Variants in FGD2 observed in about 807,000 individuals in gnomAD.
FGD2 encodes FYVE, RhoGEF and PH domain containing 2, also known as FYVE, RhoGEF and PH domain-containing protein 2.
In FGD2, 52 loss-of-function variants were observed where a neutral mutation model predicts 75.9. The ratio of observed to expected loss-of-function variants is 0.69; its 90% confidence interval spans 0.55 to 0.86. The LOEUF (loss-of-function observed/expected upper bound fraction) is 0.86. Among genes scored for constraint, FGD2 ranks in the 40% least tolerant of loss-of-function variants. The pLI is 0.00. For missense variants in FGD2, 790 were observed against 872.0 expected (o/e 0.91, Z 1.18); for synonymous variants, 347 against 348.6 (o/e 1.00, Z 0.05).
At chr6:37,007,422 C>G (rs533028944) in intron 1 of FGD2, among the ~76,000 whole-genome samples, 2 of 152,210 alleles carry the variant, frequency 1.3e-5, no homozygotes, top group African/African-American at 4.8e-5. Context: ...CCCACCACCC[C>G]CTTGGGTGTG....
rs1036660764 is a variant in FGD2, at chr6:37,019,324, T to A, written c.1123-1217T>A. On this transcript the variant is annotated intron_variant, in intron 9 of 15. Coordinates refer to ENST00000274963, the MANE Select transcript of FGD2 (RefSeq NM_173558.4). ...TACCTCTTTCCACATGACCGCCTCC[T>A]CATTGCCAAGGGCATCGAATCCAAA... is the stretch of plus-strand genomic sequence containing the variant. Among the ~76,000 whole-genome samples, 59 of 152,178 alleles carry A rather than the reference T, an allele frequency of 3.9e-4. 1 individual carries two copies. The highest frequency in any genetic ancestry group is 1.4e-3 in the African/African-American group (57 of 41,436).
intron 1 of FGD2, among the ~76,000 whole-genome samples, chr6:37,008,133 C>T (rs540273347): frequency 6.6e-6 from 1 of 152,276 alleles, no homozygotes; most frequent in East Asian, 1.9e-4. Context: ...TTTGTTTGGC[C>T]TTCCATTTCC....
chr6:37,013,669 CAGTG>C lies in FGD2; in HGVS notation c.592_595del (p.Glu198MetfsTer38). 1 of 1,614,088 alleles carries C rather than the reference CAGTG, an allele frequency of 6.2e-7. No individual in the cohort carries two copies. Among genetic ancestry groups the C allele is most frequent in the Non-Finnish European group, 8.5e-7 (1 of 1,179,980 alleles). ...AGCTGGCCCCCTTCCTGAAGATGTACAGTGAGTATGTCAAGAACTTTGAGCGAGC... is the reference window on the plus strand; with the variant it reads ...AGCTGGCCCCCTTCCTGAAGATGTACAGTATGTCAAGAACTTTGAGCGAGC... On this transcript the variant is annotated frameshift_variant, in exon 5 of 16. Coordinates refer to ENST00000274963, the MANE Select transcript of FGD2 (RefSeq NM_173558.4). LOFTEE classifies it high-confidence loss of function.
In FGD2 at chr6:37,022,407, G is replaced by A. The variant is rs373682347; in HGVS notation, c.1458+37G>A. ...TGCCAGCACTCCTGCCTCCACCTGC[G>A]TCACCCAGGCCTCCACCTGCATCAC... On this transcript the variant is annotated intron_variant, in intron 13 of 15. Coordinates refer to ENST00000274963, the MANE Select transcript of FGD2 (RefSeq NM_173558.4). 48 of 1,532,922 alleles carry A rather than the reference G, an allele frequency of 3.1e-5. 1 individual carries two copies. In the Admixed American group the frequency reaches 4.7e-4, roughly 15 times the overall value. 95.0% of individuals were successfully genotyped at this position (1,532,922 alleles called of 1,614,324 possible). A position where few individuals can be genotyped will look rare whatever the true frequency, so the allele number is the denominator to read the frequency against.
chr6:37,009,591 C>T (rs779625117), intron 2 of FGD2: 2 of 152,664 alleles, frequency 1.3e-5, no homozygotes, highest in Non-Finnish European at 2.9e-5. Context: ...AGCACGTCTG[C>T]TTACTAACTG....
chr6:37,016,110 C>T (rs1765275456), intron 9 of FGD2, among the ~76,000 whole-genome samples: 1 of 152,204 alleles, frequency 6.6e-6, no homozygotes, highest in African/African-American at 2.4e-5. Context: ...CCTTTCTGTG[C>T]TTTCCCTACT....
At chr6:37,020,801 T>G (rs1487052542) in intron 11 of FGD2, 62 bp downstream of exon 11, 105 of 1,547,414 alleles carry the variant, frequency 6.8e-5, no homozygotes, top group Non-Finnish European at 8.8e-5. Context: ...TCTTTTTTTC[T>G]TTCTTGGTAC....
intron 9 of FGD2, among the ~76,000 whole-genome samples, chr6:37,016,210 TG>T (rs1054556486): frequency 2.0e-5 from 3 of 151,970 alleles, no homozygotes; most frequent in Non-Finnish European, 1.5e-5. Flanking sequence ...GAGGTCTGGG[TG>T]GGGGGGTGCC....
intron 14 of FGD2, chr6:37,026,318 C>T (rs1050385613): frequency 4.9e-5 from 48 of 985,300 alleles, no homozygotes; most frequent in African/African-American, 4.7e-4. Context: ...GGAACACTGA[C>T]GCTCCAGGTC....
chr6:37,027,913 G>A (rs774339119), intron 15 of FGD2, 35 bp from the exon 16 acceptor site: 5 of 1,605,254 alleles, frequency 3.1e-6, no homozygotes, highest in South Asian at 1.1e-5. Context: ...AGGACTGAGA[G>A]GGGACAGTGG....
At chr6:37,011,645 C>CG in intron 3 of FGD2, 61 bp from the exon 4 acceptor site, 4 of 1,607,092 alleles carry the variant, frequency 2.5e-6, no homozygotes, top group Non-Finnish European at 2.5e-6. Flanking sequence ...CTAGTTCCCC[C>CG]GGGCTGATGT....
At chr6:37,013,571 T>C (rs759075952) in intron 4 of FGD2, 38 bp from the exon 5 acceptor site, 2 of 1,599,460 alleles carry the variant, frequency 1.3e-6, no homozygotes, top group South Asian at 2.2e-5. Flanking sequence ...CGAGAGGAGG[T>C]CTCTAGGCTG....
intron 6 of FGD2, 128 bp from the exon 7 acceptor site, chr6:37,014,518 C>T: frequency 1.9e-6 from 2 of 1,064,704 alleles, no homozygotes; most frequent in Admixed American, 2.4e-5. Flanking sequence ...CTGGGCTGCA[C>T]AGGCAGGGCT....
rs1765953035 is a variant in FGD2, at chr6:37,028,697, C to G, written c.*534C>G. On this transcript the variant is annotated 3_prime_UTR_variant, in exon 16 of 16. Coordinates refer to ENST00000274963, the MANE Select transcript of FGD2 (RefSeq NM_173558.4). Reference sequence around the variant, plus strand: ...AAACATGGCTCACTACAGCCTCGCTCTCCCGGGCTCCAGTGATCCTCCCGC... The same window carrying G: ...AAACATGGCTCACTACAGCCTCGCTGTCCCGGGCTCCAGTGATCCTCCCGC... 1 of 139,000 alleles carries G rather than the reference C, an allele frequency of 7.2e-6. No homozygotes were observed. Among genetic ancestry groups the G allele is most frequent in the African/African-American group, 2.7e-5 (1 of 37,356 alleles). 8.6% of individuals were successfully genotyped at this position (139,000 alleles called of 1,614,324 possible).
At chr6:37,019,544 C>T (rs1175793562) in intron 9 of FGD2, among the ~76,000 whole-genome samples, 1 of 152,178 alleles carries the variant, frequency 6.6e-6, no homozygotes, top group East Asian at 1.9e-4. Flanking sequence ...AACAAAGTTG[C>T]CCCACACAGA....
intron 9 of FGD2, among the ~76,000 whole-genome samples, chr6:37,020,069 C>G (rs926270295): frequency 2.6e-5 from 4 of 152,178 alleles, no homozygotes; most frequent in African/African-American, 7.2e-5. Context: ...CCAGGCTGTT[C>G]TCAAACTCCT....
Position 37,015,024 on chromosome 6 carries a change from C to A in FGD2, c.1015C>A (p.Arg339Ser). 6.2e-7 allele frequency: 1 copy of A among 1,613,556 alleles called. No homozygotes were observed. The highest frequency in any genetic ancestry group is 1.1e-5 in the South Asian group (1 of 91,030). ...CTTCCGCCGCAACGACCCCATGGAGCGCTACCTTTTCTTGGTAAGAGGGTG... is the reference window on the plus strand; with the variant it reads ...CTTCCGCCGCAACGACCCCATGGAGAGCTACCTTTTCTTGGTAAGAGGGTG... ...ISFRRNDPME[R>S]YLFLFNNMLL... The change falls in exon 8 of 16, where the codon CGC (arginine) becomes AGC (serine). Residue 339 changes from arginine to serine, a missense_variant. Coordinates refer to ENST00000274963, the MANE Select transcript of FGD2 (RefSeq NM_173558.4).
At chr6:37,017,491 A>G (rs1341576080) in intron 9 of FGD2, among the ~76,000 whole-genome samples, 3 of 152,136 alleles carry the variant, frequency 2.0e-5, no homozygotes, top group African/African-American at 7.2e-5. Context: ...GCGTCTAACC[A>G]CCACGCTCTG....
chr6:37,013,609 G>A lies in FGD2; in HGVS notation c.528G>A (p.Trp176Ter). Residue 176 changes from tryptophan (W) to a stop codon, truncating the protein, a stop_gained and splice_region_variant, in exon 5 of 16, where the codon TGG becomes TGA. Coordinates refer to ENST00000274963, the MANE Select transcript of FGD2 (RefSeq NM_173558.4). LOFTEE classifies it high-confidence loss of function. ...LPELQRRLDD[W>*]TANPRIGDVI... ...GGCAATCCCTGTGCCCCTCCTGCAG[G>A]ACAGCTAACCCCCGCATCGGTGACG... 6.2e-7 allele frequency: 1 copy of A among 1,613,504 alleles called. No individual in the cohort carries two copies. The highest frequency in any genetic ancestry group is 1.3e-5 in the African/African-American group (1 of 75,018).
Sources: allele counts gnomAD v4.1 joint callset (sites outside exome capture counted in the v4.1 genomes callset), GRCh38; gene constraint gnomAD v4.1.1; transcripts MANE v1.5; gene names NCBI Gene and HGNC (gene_info 2026-07-23, HGNC 2026-07-21).